NKAIN2: variants seen among roughly 807,000 people sequenced by gnomAD.
NKAIN2 encodes the protein sodium/potassium transporting ATPase interacting 2, also known as sodium/potassium-transporting ATPase subunit beta-1-interacting protein 2.
A neutral mutation model predicts 32.6 loss-of-function variants in NKAIN2; 14 were observed. The ratio of observed to expected loss-of-function variants is 0.43; its 90% CI spans 0.28 to 0.67. The LOEUF (loss-of-function observed/expected upper bound fraction) is 0.67, where lower values mean the gene tolerates loss of function less well. Among genes scored for constraint, NKAIN2 ranks in the 30% least tolerant of loss-of-function variants. NKAIN2 has a pLI of 0.17. For missense variants in NKAIN2, 198 were observed against 258.3 expected (o/e 0.77, Z 1.60); for synonymous variants, 80 against 87.2 (o/e 0.92, Z 0.46).
chr6:124,457,572 T>A (rs1056923440), intron 3 of NKAIN2, among the ~76,000 whole-genome samples: 7 of 151,964 alleles, frequency 4.6e-5, no homozygotes, highest in African/African-American at 1.7e-4. Flanking sequence ...AGTTAGATCA[T>A]CTCTAAGTCC....
chr6:124,202,378 C>A (rs899935455), intron 1 of NKAIN2, among the ~76,000 whole-genome samples: 1 of 151,864 alleles, frequency 6.6e-6, no homozygotes, highest in African/African-American at 2.4e-5. Context: ...GAAACCAAGT[C>A]TAATTATGTT....
At chr6:123,871,528 T>G (rs1185846521) in intron 1 of NKAIN2, among the ~76,000 whole-genome samples, 1 of 152,156 alleles carries the variant, frequency 6.6e-6, no homozygotes, top group Non-Finnish European at 1.5e-5. Context: ...TGTTTGTATA[T>G]CCCATATATT....
intron 4 of NKAIN2, among the ~76,000 whole-genome samples, chr6:124,764,642 C>T (rs919510523): frequency 2.6e-5 from 4 of 152,096 alleles, no homozygotes; most frequent in African/African-American, 9.7e-5. Flanking sequence ...CTTTAAGAAA[C>T]CTGTGTTCAG....
chr6:124,035,195 T>C lies in NKAIN2; in HGVS notation c.54+230941T>C, dbSNP rs190254215. ...TGGGAGAAGGCTATAAAATGCTTGTTCATAAATTAGTATTTGAGTTTTCCA... is the reference window on the plus strand; with the variant it reads ...TGGGAGAAGGCTATAAAATGCTTGTCCATAAATTAGTATTTGAGTTTTCCA... On this transcript the variant is annotated intron_variant, in intron 1 of 6. Transcript: ENST00000368417. Among the ~76,000 whole-genome samples, 91 of 152,240 alleles carry C rather than the reference T, an allele frequency of 6.0e-4. No homozygotes were observed. In the East Asian group the frequency reaches 6.4e-3, roughly 11 times the overall value.
At chr6:124,127,691 G>A (rs1204252767) in intron 1 of NKAIN2, among the ~76,000 whole-genome samples, 1 of 152,158 alleles carries the variant, frequency 6.6e-6, no homozygotes, top group African/African-American at 2.4e-5. Flanking sequence ...AGGAGGGACA[G>A]GCCTGGTCAG....
At chr6:124,195,283 A>G (rs1039864374) in intron 1 of NKAIN2, among the ~76,000 whole-genome samples, 1 of 151,042 alleles carries the variant, frequency 6.6e-6, no homozygotes, top group Non-Finnish European at 1.5e-5. Context: ...ATCAATTTCC[A>G]TAGAATGTAT....
intron 4 of NKAIN2, among the ~76,000 whole-genome samples, chr6:124,709,797 A>C (rs1378964894): frequency 1.3e-5 from 2 of 151,524 alleles, no homozygotes; most frequent in African/African-American, 4.9e-5. Context: ...GGATTCATTA[A>C]TTTTTTGAAG....
chr6:124,282,266 A>T, intron 1 of NKAIN2: 1 of 364,080 alleles, frequency 2.7e-6, no homozygotes, highest in Non-Finnish European at 5.4e-6. Flanking sequence ...AAATCGACTT[A>T]AGTGTCTTGC....
intron 1 of NKAIN2, among the ~76,000 whole-genome samples, chr6:124,148,302 TG>T (rs1188420587): frequency 3.9e-5 from 2 of 51,348 alleles, no homozygotes; most frequent in Non-Finnish European, 1.1e-4. Flanking sequence ...TAGAATTTGG[TG>T]GTTTTTTTAG....
At position 124,560,729 on chromosome 6, in the gene NKAIN2, A is replaced by T. The variant is rs188960479; in HGVS notation, c.274-97457A>T. Among the ~76,000 whole-genome samples, 100 of 152,352 alleles carry T rather than the reference A, an allele frequency of 6.6e-4. 2 individuals are homozygous for T. The East Asian group carries it at 0.013, about 20-fold the overall frequency. On this transcript the variant is annotated intron_variant, in intron 3 of 6. Transcript: ENST00000368417. The stretch of plus-strand genomic sequence containing the variant: ...TAATCCTAAGATTCTATGTGAAAAA[A>T]TTCACCTTCTTAGCGAGTTTTGTTG...
intron 3 of NKAIN2, among the ~76,000 whole-genome samples, chr6:124,379,551 A>G (rs900037149): frequency 6.6e-6 from 1 of 152,138 alleles, no homozygotes; most frequent in Non-Finnish European, 1.5e-5. Context: ...TATATGCAGT[A>G]AGAATAATGG....
At chr6:124,324,918 G>A (rs1351905031) in intron 2 of NKAIN2, among the ~76,000 whole-genome samples, 2 of 151,864 alleles carry the variant, frequency 1.3e-5, no homozygotes, top group Non-Finnish European at 2.9e-5. Flanking sequence ...TATTTAATAT[G>A]TATACATTGC....
chr6:124,662,896 C>A (rs921720085), intron 4 of NKAIN2, among the ~76,000 whole-genome samples: 2 of 152,024 alleles, frequency 1.3e-5, no homozygotes, highest in African/African-American at 2.4e-5. Flanking sequence ...TAGAATATTG[C>A]CATTCACGTT....
intron 1 of NKAIN2, among the ~76,000 whole-genome samples, chr6:124,054,739 A>T (rs1167851121): frequency 6.6e-6 from 1 of 151,572 alleles, no homozygotes; most frequent in Non-Finnish European, 1.5e-5. Context: ...ACACACATAC[A>T]CCCCTAGGCA....
chr6:124,725,824 C>G (rs912339551), intron 4 of NKAIN2, among the ~76,000 whole-genome samples: 9 of 152,162 alleles, frequency 5.9e-5, no homozygotes, highest in Non-Finnish European at 1.0e-4. Flanking sequence ...GAATGCCAGA[C>G]AGTGGGCGCA....
At chr6:124,586,548 G>A (rs636344) in intron 3 of NKAIN2, among the ~76,000 whole-genome samples, 144,212 of 151,874 alleles carry the variant, frequency 0.95, 68,941 homozygotes, top group East Asian at 1. Context: ...AGAGACACCC[G>A]ATTTTCCCAT....
intron 3 of NKAIN2, among the ~76,000 whole-genome samples, chr6:124,582,999 T>C (rs923915236): frequency 1.3e-5 from 2 of 151,886 alleles, no homozygotes; most frequent in Non-Finnish European, 2.9e-5. Context: ...TACAAAAGGC[T>C]CACAGCTAGT....
In NKAIN2 at chr6:123,952,812, T is replaced by C. The variant is rs566090645; in HGVS notation, c.54+148558T>C. 1.1e-3 allele frequency among the ~76,000 whole-genome samples: 163 copies of C among 152,304 alleles called. 1 individual carries two copies. The highest frequency in any genetic ancestry group is 3.6e-3 in the African/African-American group (149 of 41,556). ...GAATTGTTCCTATTTTTTTGTATTG[T>C]TCTCTGATATCTCACTGAGCTTTTA... On this transcript the variant is annotated intron_variant, in intron 1 of 6. Transcript: ENST00000368417.
At chr6:124,369,182 G>T (rs756973665) in intron 3 of NKAIN2, among the ~76,000 whole-genome samples, 1 of 151,964 alleles carries the variant, frequency 6.6e-6, no homozygotes, top group Non-Finnish European at 1.5e-5. Context: ...TGTCTCTAAA[G>T]CCCACTCTAT....
Sources: allele counts gnomAD v4.1 joint callset (sites outside exome capture counted in the v4.1 genomes callset), GRCh38; gene constraint gnomAD v4.1.1; transcripts MANE v1.5; gene names NCBI Gene and HGNC (gene_info 2026-07-23, HGNC 2026-07-21).